The following SAMHD1 variants were observed in gnomAD, a reference collection of about 807,000 sequenced individuals.
The protein encoded by SAMHD1 is deoxynucleoside triphosphate triphosphohydrolase SAMHD1.
SAMHD1 carries 54 observed loss-of-function variants against 79.6 expected under a neutral mutation model. That is an observed-to-expected ratio of 0.68 (90% CI 0.55 to 0.85). The LOEUF is 0.85. SAMHD1 is among the 40% of genes least tolerant of loss of function. SAMHD1 has a pLI of 0.00. For synonymous variants in SAMHD1, 260 were observed against 264.1 expected (o/e 0.98, Z 0.15); for missense variants, 663 against 782.7 (o/e 0.85, Z 1.82).
intron 13 of SAMHD1, among the ~76,000 whole-genome samples, chr20:36,903,614 G>A (rs73620238): frequency 3.8e-5 from 5 of 132,780 alleles, no homozygotes; most frequent in South Asian, 2.4e-4. Flanking sequence ...CAGTGGCATG[G>A]TCTCGGCTCA....
At chr20:36,927,314 CTTTTTTTT>C (rs529639777) in intron 5 of SAMHD1, 62 bp from the exon 6 acceptor site, 13 of 765,666 alleles carry the variant, frequency 1.7e-5, no homozygotes, top group Admixed American at 5.2e-5. Flanking sequence ...AAACTTTTTC[CTTTTTTTT>C]TTTTTTTTTT....
rs375168775 is a variant in SAMHD1 at position 36,951,656 on chromosome 20, C to A, written c.-13G>T. On this transcript the variant is annotated 5_prime_UTR_variant, in exon 1 of 16. Coordinates refer to ENST00000646673, the MANE Select transcript of SAMHD1 (RefSeq NM_015474.4). Reference sequence around the variant, plus strand: ...CGGCTCGCTGCATGGCTACACCTGGCGTCCGGCACAGCAGTCAAGAACCTC... The same window carrying A: ...CGGCTCGCTGCATGGCTACACCTGGAGTCCGGCACAGCAGTCAAGAACCTC... 3 of 1,612,616 alleles carry A rather than the reference C, an allele frequency of 1.9e-6. No individual in the cohort carries two copies. The highest frequency in any genetic ancestry group is 1.8e-4 in the Middle Eastern group (1 of 5,410).
chr20:36,901,614 T>C (rs1196253269), intron 13 of SAMHD1, among the ~76,000 whole-genome samples: 1 of 151,956 alleles, frequency 6.6e-6, no homozygotes, highest in African/African-American at 2.4e-5. Flanking sequence ...CACATGTCTG[T>C]AGTCCTAGCT....
chr20:36,920,002 C>A (rs1345937676), intron 6 of SAMHD1, among the ~76,000 whole-genome samples: 1 of 152,174 alleles, frequency 6.6e-6, no homozygotes. Flanking sequence ...TCTGCTCACT[C>A]ATTCACAATC....
intron 11 of SAMHD1, among the ~76,000 whole-genome samples, chr20:36,908,438 A>T (rs1308168942): frequency 6.6e-6 from 1 of 151,928 alleles, no homozygotes; most frequent in African/African-American, 2.4e-5. Context: ...GGGTTTCACC[A>T]TGTTGCCCAG....
At chr20:36,936,452 C>G (rs577798320) in intron 3 of SAMHD1, among the ~76,000 whole-genome samples, 3 of 152,122 alleles carry the variant, frequency 2.0e-5, no homozygotes, top group East Asian at 1.9e-4. Flanking sequence ...TCCCAAATAG[C>G]TGGGACTACA....
intron 9 of SAMHD1, among the ~76,000 whole-genome samples, chr20:36,914,406 A>G (rs549768665): frequency 4.4e-4 from 66 of 151,274 alleles, no homozygotes; most frequent in Non-Finnish European, 8.8e-4. Context: ...GCTGGAGTGC[A>G]GTGGCGCAAT....
Position 36,892,819 on chromosome 20 carries a change from T to C in SAMHD1, c.*113A>G. The C allele has an allele frequency of 7.2e-7, 1 of 1,398,300 alleles. No individual in the cohort carries two copies. Among genetic ancestry groups the C allele is most frequent in the Non-Finnish European group, 1.0e-6 (1 of 983,668 alleles). 86.6% of individuals were successfully genotyped at this position (1,398,300 alleles called of 1,614,324 possible). A position where few individuals can be genotyped will look rare whatever the true frequency, so the allele number is the denominator to read the frequency against. On this transcript the variant is annotated 3_prime_UTR_variant, in exon 16 of 16. Transcript: ENST00000646673. ...TACTTAGCTTCAGCATGCGTGTACATTCAAAATACAAAATTAAAGCATGAG... is the reference window on the plus strand; with the variant it reads ...TACTTAGCTTCAGCATGCGTGTACACTCAAAATACAAAATTAAAGCATGAG...
intron 5 of SAMHD1, among the ~76,000 whole-genome samples, chr20:36,928,719 G>T (rs2063550875): frequency 6.7e-6 from 1 of 150,054 alleles, no homozygotes; most frequent in Admixed American, 6.7e-5. Context: ...CTGGGGTGCA[G>T]GAAGAAAAAA....
intron 5 of SAMHD1, among the ~76,000 whole-genome samples, chr20:36,928,705 T>A (rs2063550765): frequency 7.0e-6 from 1 of 142,708 alleles, no homozygotes; most frequent in Non-Finnish European, 1.5e-5. Flanking sequence ...AAAAAGAAAA[T>A]CCACTGGGGT....
chr20:36,914,866 G>A (rs895654677), intron 9 of SAMHD1, among the ~76,000 whole-genome samples: 2 of 150,014 alleles, frequency 1.3e-5, no homozygotes, highest in Non-Finnish European at 3.0e-5. Context: ...AGAAAAATTA[G>A]CCCGGTATAG....
At chr20:36,918,202 T>C (rs1358188151) in intron 7 of SAMHD1, among the ~76,000 whole-genome samples, 1 of 151,798 alleles carries the variant, frequency 6.6e-6, no homozygotes, top group African/African-American at 2.4e-5. Flanking sequence ...CCTCCCATCA[T>C]GGCCTCCCAA....
intron 4 of SAMHD1, 21 bp from the exon 5 acceptor site, chr20:36,930,896 A>C: frequency 6.5e-7 from 1 of 1,536,282 alleles, no homozygotes; most frequent in Non-Finnish European, 9.0e-7. Flanking sequence ...AAAACACAAA[A>C]AGTCACTTTT....
chr20:36,951,628 A>T lies in SAMHD1; in HGVS notation c.16T>A (p.Ser6Thr), dbSNP rs1187125859. Residue 6 changes from serine to threonine, a missense_variant, in exon 1 of 16, where the codon TCC becomes ACC. Ser to Thr is a moderately conservative substitution (Grantham distance 58). Transcript: ENST00000646673. ...CGGGGACGCTTGGAGGGCTGCTCGGAATCGGCTCGCTGCATGGCTACACCT... is the reference window on the plus strand; with the variant it reads ...CGGGGACGCTTGGAGGGCTGCTCGGTATCGGCTCGCTGCATGGCTACACCT... MQRADSEQPSKRPRCD... is the reference protein window; with the variant it reads MQRADTEQPSKRPRCD... 1 of 1,613,762 alleles carries T rather than the reference A, an allele frequency of 6.2e-7. No individual in the cohort carries two copies. Among genetic ancestry groups the T allele is most frequent in the Admixed American group, 1.7e-5 (1 of 60,030 alleles).
chr20:36,902,236 C>T (rs1457749784), intron 13 of SAMHD1, among the ~76,000 whole-genome samples: 1 of 152,116 alleles, frequency 6.6e-6, no homozygotes, highest in East Asian at 1.9e-4. Flanking sequence ...GGCTGGAGAG[C>T]AGTGGCATGA....
chr20:36,951,254 C>G (rs1669075320), intron 1 of SAMHD1, among the ~76,000 whole-genome samples, 182 bp downstream of exon 1: 1 of 151,930 alleles, frequency 6.6e-6, no homozygotes, highest in Non-Finnish European at 1.5e-5. Context: ...CGCAGGGCTC[C>G]CTCCCCCGCC....
At chr20:36,909,555 C>G (rs2148363666) in intron 11 of SAMHD1, among the ~76,000 whole-genome samples, 1 of 151,574 alleles carries the variant, frequency 6.6e-6, no homozygotes, top group East Asian at 2.0e-4. Flanking sequence ...CCTGTAATCC[C>G]AGCTACTCAG....
intron 5 of SAMHD1, among the ~76,000 whole-genome samples, chr20:36,929,133 A>G (rs568022184): frequency 2.6e-5 from 4 of 151,940 alleles, no homozygotes; most frequent in Non-Finnish European, 5.9e-5. Flanking sequence ...CTGCTTTGCA[A>G]GTCACAGGCT....
chr20:36,902,089 G>C (rs1990316017), intron 13 of SAMHD1, among the ~76,000 whole-genome samples: 2 of 152,190 alleles, frequency 1.3e-5, no homozygotes, highest in Non-Finnish European at 1.5e-5. Context: ...CCAAAGGTTG[G>C]GTTACTCATG....
Sources: allele counts gnomAD v4.1 joint callset (sites outside exome capture counted in the v4.1 genomes callset), GRCh38; gene constraint gnomAD v4.1.1; transcripts MANE v1.5; gene names NCBI Gene and HGNC (gene_info 2026-07-23, HGNC 2026-07-21).